Variants in GALK2 observed in about 807,000 individuals in gnomAD.
GALK2 encodes the protein galactokinase 2, also known as N-acetylgalactosamine kinase.
In GALK2, 36 loss-of-function variants were observed where a neutral mutation model predicts 52.4. The observed-to-expected ratio is 0.69, with a 90% confidence interval of 0.53 to 0.91. The LOEUF is 0.91. GALK2 is among the 40% of genes least tolerant of loss of function. The probability of loss-of-function intolerance (pLI) is 0.00; values close to 1 mark genes in which losing one functional copy is unlikely to be tolerated. For missense variants in GALK2, 579 were observed against 559.1 expected, an observed-to-expected ratio of 1.04 and a Z score of -0.36; for synonymous variants, 176 against 199.1, an observed-to-expected ratio of 0.88 and a Z score of 0.98.
chr15:49,255,376 T>G (rs765861069), intron 5 of GALK2, among the ~76,000 whole-genome samples: 5 of 124,444 alleles, frequency 4.0e-5, no homozygotes, highest in Admixed American at 7.6e-5. Context: ...TTGCATTTAG[T>G]TTTTTTTTCA....
intron 1 of GALK2, chr15:49,156,859 A>G: frequency 4.3e-6 from 3 of 704,694 alleles, no homozygotes; most frequent in Non-Finnish European, 6.7e-6. Flanking sequence ...GAAGAAAATC[A>G]CAAAAATTTC....
intron 9 of GALK2, among the ~76,000 whole-genome samples, chr15:49,321,169 TGAA>T (rs1326104466): frequency 2.6e-5 from 4 of 152,274 alleles, no homozygotes; most frequent in African/African-American, 4.8e-5. Flanking sequence ...GTGGAGTGGT[TGAA>T]GAAGGTCACT....
downstream of GALK2, among the ~76,000 whole-genome samples, chr15:49,332,818 G>A (rs1012155455): frequency 6.6e-6 from 1 of 152,192 alleles, no homozygotes; most frequent in African/African-American, 2.4e-5. Context: ...TTCTTCAGCA[G>A]TTAGACTAGT....
chr15:49,274,001 T>C (rs935800366), intron 5 of GALK2, among the ~76,000 whole-genome samples: 3 of 152,168 alleles, frequency 2.0e-5, no homozygotes, highest in African/African-American at 7.2e-5. Flanking sequence ...GTTGCTGCCC[T>C]TGGGCCTGAA....
chr15:49,265,556 C>T (rs940580644), intron 5 of GALK2, among the ~76,000 whole-genome samples: 68 of 152,242 alleles, frequency 4.5e-4, no homozygotes, highest in East Asian at 1.9e-4. Flanking sequence ...TGTTTTGGCT[C>T]GCGCGCAGTG....
chr15:49,326,255 ATTTT>A (rs35381509), intron 9 of GALK2, among the ~76,000 whole-genome samples: 1 of 100,690 alleles, frequency 9.9e-6, no homozygotes, highest in Non-Finnish European at 2.0e-5. Context: ...TATGACAACC[ATTTT>A]TTTTTTTTTT....
rs575152269 is a variant in GALK2, at chr15:49,253,021, C to A, written c.504+13654C>A. On this transcript the variant is annotated intron_variant, in intron 5 of 9. Coordinates refer to ENST00000560031, the MANE Select transcript of GALK2 (RefSeq NM_002044.4). ...GGAGTATTTATCAATCATCTTATTA[C>A]TTTATAAGAACTCTTCATATGCTAA... is the stretch of plus-strand genomic sequence containing the variant. Among the ~76,000 whole-genome samples the A allele has an allele frequency of 2.8e-5, 4 of 144,542 alleles. No individual in the cohort carries two copies. In the East Asian group the frequency reaches 5.8e-4, roughly 21 times the overall value. 94.8% of individuals were successfully genotyped at this position (144,542 alleles called of 152,430 possible).
intron 3 of GALK2, among the ~76,000 whole-genome samples, chr15:49,348,619 GAGT>G (rs2041855940): frequency 6.6e-6 from 1 of 152,204 alleles, no homozygotes; most frequent in African/African-American, 2.4e-5. Flanking sequence ...CATGGTAATA[GAGT>G]AGGTTTTGTT....
intron 1 of GALK2, among the ~76,000 whole-genome samples, chr15:49,184,421 A>G (rs1330000387): frequency 6.6e-6 from 1 of 152,020 alleles, no homozygotes; most frequent in Non-Finnish European, 1.5e-5. Flanking sequence ...TTTTGTTTTT[A>G]ATCCATTCAG....
chr15:49,318,911 G>A (rs1333325329), intron 8 of GALK2: 2 of 451,504 alleles, frequency 4.4e-6, no homozygotes, highest in Non-Finnish European at 8.8e-6. Context: ...ACATCCCTCA[G>A]TGCTGTGATG....
upstream of GALK2, among the ~76,000 whole-genome samples, chr15:49,167,680 A>G (rs1203092424): frequency 6.6e-6 from 1 of 152,190 alleles, no homozygotes; most frequent in African/African-American, 2.4e-5. Context: ...TGTTTTCACT[A>G]TTAGATATGT....
chr15:49,173,821 C>T (rs1010237139), intron 1 of GALK2, among the ~76,000 whole-genome samples: 4 of 152,164 alleles, frequency 2.6e-5, no homozygotes, highest in Admixed American at 2.0e-4. Flanking sequence ...TGGCTCACTG[C>T]AGCCTCCGCT....
rs551210765 is a variant in GALK2, at chr15:49,247,079, G to A, written c.504+7712G>A. ...GGGAGTTAGGAGAAGTTCTCTCCGA[G>A]AAGAGGACATTTGAACAGAGACCTT... On this transcript the variant is annotated intron_variant, in intron 5 of 9. Transcript: ENST00000560031. Among the ~76,000 whole-genome samples the A allele has an allele frequency of 1.1e-4, 16 of 152,302 alleles. No individual in the cohort carries two copies. In the South Asian group the frequency reaches 2.5e-3, roughly 24 times the overall value.
intron 3 of GALK2, among the ~76,000 whole-genome samples, chr15:49,221,317 A>G (rs2089777495): frequency 6.6e-6 from 1 of 152,134 alleles, no homozygotes; most frequent in Non-Finnish European, 1.5e-5. Context: ...TCCCAGCACC[A>G]TTTATTCAAG....
intron 3 of GALK2, among the ~76,000 whole-genome samples, chr15:49,218,021 C>G (rs1274784244): frequency 1.3e-5 from 2 of 152,064 alleles, no homozygotes; most frequent in Admixed American, 6.6e-5. Context: ...GGGATAAACT[C>G]TACTTGCTTC....
chr15:49,244,794 T>C (rs1175378966), intron 5 of GALK2, among the ~76,000 whole-genome samples: 3 of 151,916 alleles, frequency 2.0e-5, no homozygotes, highest in African/African-American at 7.3e-5. Flanking sequence ...TAGAAAGCAG[T>C]GCAGATTAAA....
At chr15:49,157,627 T>C (rs940822382) in intron 1 of GALK2, among the ~76,000 whole-genome samples, 6 of 152,170 alleles carry the variant, frequency 3.9e-5, no homozygotes, top group Non-Finnish European at 7.4e-5. Flanking sequence ...TAAAGAATAA[T>C]TAAAAAACCA....
chr15:49,197,557 C>T lies in GALK2; in HGVS notation c.54-3605C>T, dbSNP rs553951327. 2.6e-5 allele frequency among the ~76,000 whole-genome samples: 4 copies of T among 152,220 alleles called. No homozygotes were observed. The South Asian group carries it at 8.3e-4, about 32-fold the overall frequency. On this transcript the variant is annotated intron_variant, in intron 1 of 9. Coordinates refer to ENST00000560031, the MANE Select transcript of GALK2 (RefSeq NM_002044.4). ...TTATTTGTTTCATATACGCTTTATT[C>T]ACATAGCATGAAGGTAGTTTTATAC...
chr15:49,316,260 T>A (rs900904614), intron 8 of GALK2, among the ~76,000 whole-genome samples: 2 of 152,146 alleles, frequency 1.3e-5, no homozygotes, highest in Non-Finnish European at 2.9e-5. Context: ...GAACCACTGG[T>A]AATTTTGTTA....
Sources: gnomAD v4.1 joint callset for allele counts (sites outside exome capture counted in the v4.1 genomes callset) on GRCh38, gnomAD v4.1.1 for gene constraint, MANE v1.5 for transcripts, NCBI Gene and HGNC (gene_info 2026-07-23, HGNC 2026-07-21) for gene names.